Variants in RUNX1 observed in about 807,000 individuals in gnomAD.
The protein encoded by RUNX1 is RUNX family transcription factor 1.
A neutral mutation model predicts 42.8 loss-of-function variants in RUNX1; 19 were observed. The observed-to-expected ratio is 0.44, with a 90% CI of 0.31 to 0.65. The LOEUF is 0.65. RUNX1 is among the 30% of genes least tolerant of loss of function. The pLI is 0.07. For missense variants in RUNX1, 528 were observed against 672.0 expected, an observed-to-expected ratio of 0.79 and a Z score of 2.37; for synonymous variants, 271 against 289.4, an observed-to-expected ratio of 0.94 and a Z score of 0.64.
In RUNX1 at chr21:35,025,503, C is replaced by T. The variant is rs9981440; in HGVS notation, c.58+23339G>A. 6.5e-3 allele frequency among the ~76,000 whole-genome samples: 986 copies of T among 152,286 alleles called. 3 individuals carry two copies. Among genetic ancestry groups the T allele is most frequent in the African/African-American group, 0.022 (931 of 41,542 alleles). On this transcript the variant is annotated intron_variant, in intron 2 of 8. Coordinates refer to ENST00000675419, the MANE Select transcript of RUNX1 (RefSeq NM_001754.5). ...CACGTGGCTATTAACACCCAGCACA[C>T]GCTATCCCTGGCCAGCTCTCTCCTT...
chr21:34,829,454 C>G (rs949303195), intron 7 of RUNX1, among the ~76,000 whole-genome samples: 1 of 152,154 alleles, frequency 6.6e-6, no homozygotes, highest in African/African-American at 2.4e-5. Context: ...TCTCTCCCTT[C>G]TTTCCTTTAA....
intron 2 of RUNX1, among the ~76,000 whole-genome samples, chr21:34,993,119 A>G (rs2058958484): frequency 6.6e-6 from 1 of 152,278 alleles, no homozygotes; most frequent in South Asian, 2.1e-4. Context: ...GGACGCCATC[A>G]CCTCTGCTCT....
At chr21:34,819,966 C>T (rs1410387466) in intron 7 of RUNX1, among the ~76,000 whole-genome samples, 3 of 152,242 alleles carry the variant, frequency 2.0e-5, no homozygotes, top group Non-Finnish European at 2.9e-5. Context: ...TCACACAGGA[C>T]GGTGAAACTT....
chr21:34,966,619 C>A (rs11701453), intron 2 of RUNX1, among the ~76,000 whole-genome samples: 11 of 152,176 alleles, frequency 7.2e-5, no homozygotes, highest in South Asian at 2.1e-4. Context: ...AAGGCTTCAC[C>A]CCACCAATCA....
At chr21:34,871,062 C>G (rs1159563039) in intron 5 of RUNX1, among the ~76,000 whole-genome samples, 1 of 152,232 alleles carries the variant, frequency 6.6e-6, no homozygotes, top group Non-Finnish European at 1.5e-5. Flanking sequence ...CTGGAGCTTT[C>G]TAGTTAAAGG....
chr21:34,849,373 C>CTA (rs2057375106), intron 6 of RUNX1, among the ~76,000 whole-genome samples: 6 of 26,476 alleles, frequency 2.3e-4, no homozygotes, highest in East Asian at 1.6e-3. Flanking sequence ...ATTATATATA[C>CTA]TATATACATA....
chr21:34,792,891 GA>G lies in RUNX1; in HGVS notation c.968-282del, dbSNP rs1453576485. On this transcript the variant is annotated intron_variant, in intron 8 of 8. Transcript: ENST00000675419. This position sits in a 1 kb window ranked among gnomAD's most constrained non-coding sequence, Gnocchi z 6.9. ...GCATGTCACCTCCCAAGAGGATGGGGACTACCCATGATGCTATGCCCAGGAG... is the reference window on the plus strand; with the variant it reads ...GCATGTCACCTCCCAAGAGGATGGGGCTACCCATGATGCTATGCCCAGGAG... Among the ~76,000 whole-genome samples, 2 of 151,760 alleles carry G rather than the reference GA, an allele frequency of 1.3e-5. No individual in the cohort carries two copies. The highest frequency in any genetic ancestry group is 2.4e-5 in the African/African-American group (1 of 41,288).
chr21:34,907,091 T>A lies in RUNX1; in HGVS notation c.59-14128A>T, dbSNP rs376928929. On this transcript the variant is annotated intron_variant, in intron 2 of 8. Transcript: ENST00000675419. The surrounding 1 kb of genome is among the most constrained non-coding windows in gnomAD (Gnocchi z 5.3). ...TGAGGACTTGATCGTGTATTCAAAG[T>A]CAGCCAGGAGGGTCATGTGCCCCCT... Among the ~76,000 whole-genome samples the A allele has an allele frequency of 9.2e-5, 14 of 152,304 alleles. No individual in the cohort carries two copies. The highest frequency in any genetic ancestry group is 3.4e-4 in the African/African-American group (14 of 41,574).
At chr21:34,935,976 A>C (rs1317337268) in intron 2 of RUNX1, among the ~76,000 whole-genome samples, 1 of 152,242 alleles carries the variant, frequency 6.6e-6, no homozygotes, top group East Asian at 1.9e-4. Context: ...ATGTTTATAC[A>C]TAGCACACGG....
intron 2 of RUNX1, chr21:35,038,571 G>GT (rs2059327959): frequency 2.5e-6 from 1 of 395,054 alleles, no homozygotes; most frequent in East Asian, 8.2e-5. Flanking sequence ...TTGAATGCTG[G>GT]CCTCTCTCTC....
intron 5 of RUNX1, among the ~76,000 whole-genome samples, chr21:34,877,659 G>A (rs1766630416): frequency 6.6e-6 from 1 of 152,202 alleles, no homozygotes. Flanking sequence ...GGCCATCAAA[G>A]CCGGACAGGC....
At chr21:35,032,751 C>T (rs1475208994) in intron 2 of RUNX1, among the ~76,000 whole-genome samples, 1 of 152,244 alleles carries the variant, frequency 6.6e-6, no homozygotes, top group African/African-American at 2.4e-5. Context: ...CTCCTCTCTG[C>T]TCTAATATTC....
At chr21:34,805,029 A>G (rs996284932) in intron 7 of RUNX1, among the ~76,000 whole-genome samples, 5 of 152,194 alleles carry the variant, frequency 3.3e-5, no homozygotes, top group Non-Finnish European at 7.3e-5. Flanking sequence ...CTGGGATTAC[A>G]GGCATGAGCC....
chr21:35,048,830 G>C lies in RUNX1; in HGVS notation c.58+12C>G, dbSNP rs1323454260. ...AGCAAAAGTAGATATTACAAGACCAGCATGTACTCACCTCTCATGAAGCAC... is the reference window on the plus strand; with the variant it reads ...AGCAAAAGTAGATATTACAAGACCACCATGTACTCACCTCTCATGAAGCAC... On this transcript the variant is annotated intron_variant, in intron 2 of 8. Coordinates refer to ENST00000675419, the MANE Select transcript of RUNX1 (RefSeq NM_001754.5). 1 of 1,607,674 alleles carries C rather than the reference G, an allele frequency of 6.2e-7. No homozygotes were observed. Among genetic ancestry groups the C allele is most frequent in the East Asian group, 2.2e-5 (1 of 44,848 alleles).
intron 4 of RUNX1, among the ~76,000 whole-genome samples, chr21:34,886,344 AG>A (rs945231621): frequency 6.6e-6 from 1 of 152,220 alleles, no homozygotes; most frequent in African/African-American, 2.4e-5. Flanking sequence ...CGGTTAGAGA[AG>A]GGGAAAAAAA....
rs2058538198 is a variant in RUNX1 at position 34,942,923 on chromosome 21, G to A, written c.59-49960C>T. Among the ~76,000 whole-genome samples the A allele has an allele frequency of 2.6e-5, 4 of 152,334 alleles. No individual in the cohort carries two copies. In the South Asian group the frequency reaches 8.3e-4, roughly 32 times the overall value. ...TTCCCTCTTTCTCCCCGGACCAGATGCACATATCAACTGTGAACCCTGAAG... is the reference window on the plus strand; with the variant it reads ...TTCCCTCTTTCTCCCCGGACCAGATACACATATCAACTGTGAACCCTGAAG... On this transcript the variant is annotated intron_variant, in intron 2 of 8. Transcript: ENST00000675419.
chr21:34,932,594 T>A (rs181812891), intron 2 of RUNX1, among the ~76,000 whole-genome samples: 1 of 152,352 alleles, frequency 6.6e-6, no homozygotes, highest in African/African-American at 2.4e-5. Flanking sequence ...TCATTTGTGA[T>A]ACAATGTATC....
intron 2 of RUNX1, among the ~76,000 whole-genome samples, chr21:34,972,075 C>G (rs761045851): frequency 6.6e-6 from 1 of 152,210 alleles, no homozygotes; most frequent in Non-Finnish European, 1.5e-5. Context: ...TTTATATCCA[C>G]TACCCAAATC....
intron 2 of RUNX1, among the ~76,000 whole-genome samples, chr21:34,912,721 A>G (rs1456459925): frequency 6.6e-6 from 1 of 152,218 alleles, no homozygotes; most frequent in Non-Finnish European, 1.5e-5. Flanking sequence ...CATCTGATGC[A>G]TACCTGAAAC....
Sources: gnomAD v4.1 joint callset for allele counts (sites outside exome capture counted in the v4.1 genomes callset) on GRCh38, gnomAD v4.1.1 for gene constraint, Gnocchi (gnomAD v3.1) non-coding constraint, MANE v1.5 for transcripts, NCBI Gene and HGNC (gene_info 2026-07-23, HGNC 2026-07-21) for gene names.